CUX1: variants seen among roughly 807,000 people sequenced by gnomAD.
CUX1 encodes protein CASP.
In CUX1, 31 loss-of-function variants were observed where a neutral mutation model predicts 158.8. The observed-to-expected ratio is 0.20, with a 90% confidence interval of 0.15 to 0.26. The LOEUF (loss-of-function observed/expected upper bound fraction) is 0.26, where lower values mean the gene tolerates loss of function less well. Ranked by LOEUF, CUX1 falls within the 10% of genes least tolerant of loss-of-function variation. The pLI is 1.00. For synonymous variants in CUX1, 879 were observed against 862.1 expected (o/e 1.02, Z -0.34); for missense variants, 1,589 against 2,014.6 (o/e 0.79, Z 4.04).
intron 2 of CUX1, among the ~76,000 whole-genome samples, chr7:101,918,775 A>AT (rs1441726800): frequency 1.3e-5 from 2 of 151,512 alleles, no homozygotes; most frequent in African/African-American, 2.4e-5. Context: ...CTTTTTTTTT[A>AT]TTTTTTGAGA....
chr7:101,830,811 A>G (rs943984452), intron 1 of CUX1, among the ~76,000 whole-genome samples: 3 of 152,166 alleles, frequency 2.0e-5, no homozygotes, highest in African/African-American at 7.2e-5. Flanking sequence ...TTGTTTTGTT[A>G]AAAATTTATA....
Position 102,251,940 on chromosome 7 carries a change from C to T in CUX1, c.*2898C>T. 1.2e-5 allele frequency: 12 copies of T among 985,346 alleles called. No individual in the cohort carries two copies. The highest frequency in any genetic ancestry group is 1.3e-5 in the Non-Finnish European group (11 of 829,924). The allele number at this position is 985,346 out of a possible 1,614,324, so 61.0% of individuals were successfully genotyped here. On this transcript the variant is annotated 3_prime_UTR_variant, in exon 24 of 24. Transcript: ENST00000292535. ...AGTCTAAAATGCAGTCATTTTGACC[C>T]TCCCAAGCAATTTAGTCATATGTGT...
intron 18 of CUX1, among the ~76,000 whole-genome samples, chr7:102,278,506 C>T (rs535419068): frequency 2.0e-5 from 3 of 151,958 alleles, no homozygotes; most frequent in Non-Finnish European, 2.9e-5. Context: ...GCAGGAGAAT[C>T]GCTGGAACCC....
intron 10 of CUX1, among the ~76,000 whole-genome samples, chr7:102,175,273 C>A (rs1356791937): frequency 2.0e-5 from 3 of 152,222 alleles, no homozygotes; most frequent in Admixed American, 2.0e-4. Context: ...CAGATACATT[C>A]ACTTTGACTT....
At position 102,248,699 on chromosome 7, in the gene CUX1, A is replaced by G; in HGVS notation, c.4175A>G (p.Glu1392Gly). The change falls in exon 24 of 24, where the codon GAG becomes GGG. Residue 1392 changes from glutamate (E) to glycine (G), a missense_variant. Physicochemically the swap from Glu to Gly is moderately conservative, Grantham distance 98. This residue lies in a region of CUX1 where 344 missense variants were observed against 323.7 expected (regional missense o/e 1.06). Transcript: ENST00000292535. The surrounding 1 kb of genome is among the most constrained non-coding windows in gnomAD (Gnocchi z 5.8). ...GACGACGCCCGCGACGACGACCACG[A>G]GGGAGGCCCCGTGGAAGGCCCGGGG... ...GPDDARDDDH[E>G]GGPVEGPGPL... The G allele has an allele frequency of 8.0e-7, 1 of 1,248,652 alleles. No individual in the cohort carries two copies. The allele number at this position is 1,248,652 out of a possible 1,614,324, so 77.3% of individuals were successfully genotyped here. A position where few individuals can be genotyped will look rare whatever the true frequency, so the allele number is the denominator to read the frequency against.
intron 6 of CUX1, among the ~76,000 whole-genome samples, chr7:102,111,488 A>G (rs1830874810): frequency 1.3e-5 from 2 of 152,150 alleles, no homozygotes; most frequent in African/African-American, 4.8e-5. Flanking sequence ...CGGGTTGCAC[A>G]CTTGCCGTGA....
chr7:101,957,928 T>C (rs891594818), intron 2 of CUX1, among the ~76,000 whole-genome samples: 14 of 152,116 alleles, frequency 9.2e-5, no homozygotes, highest in African/African-American at 3.4e-4. Context: ...CCAGCTGCCG[T>C]TTACTCACTG....
intron 1 of CUX1, among the ~76,000 whole-genome samples, chr7:101,872,301 T>C (rs1798652633): frequency 6.6e-6 from 1 of 151,872 alleles, no homozygotes; most frequent in Non-Finnish European, 1.5e-5. Flanking sequence ...GCCCGGCTAA[T>C]TTTTGTATTT....
At chr7:102,204,981 G>A (rs1006656843) in intron 19 of CUX1, 133 bp from the exon 20 acceptor site, 17 of 660,296 alleles carry the variant, frequency 2.6e-5, no homozygotes, top group African/African-American at 3.6e-5. Context: ...GCGCCTCCCC[G>A]GCCCGTGGGT....
intron 4 of CUX1, among the ~76,000 whole-genome samples, chr7:102,072,258 T>TC (rs1367111727): frequency 1.3e-5 from 2 of 152,352 alleles, no homozygotes; most frequent in African/African-American, 4.8e-5. Context: ...CCTTGAGGTT[T>TC]CCCATTGGCA....
At chr7:102,245,651 C>T (rs574589642) in intron 23 of CUX1, among the ~76,000 whole-genome samples, 3 of 152,184 alleles carry the variant, frequency 2.0e-5, no homozygotes, top group East Asian at 1.9e-4. Context: ...ATACCATTCT[C>T]CACATTTTTC....
At chr7:101,855,521 C>T (rs1039828693) in intron 1 of CUX1, among the ~76,000 whole-genome samples, 4 of 152,216 alleles carry the variant, frequency 2.6e-5, no homozygotes, top group East Asian at 1.9e-4. Context: ...TATATTTTCA[C>T]GTATTTTAGA....
At chr7:102,183,120 C>T (rs1163088987) in intron 11 of CUX1, among the ~76,000 whole-genome samples, 1 of 152,008 alleles carries the variant, frequency 6.6e-6, no homozygotes, top group African/African-American at 2.4e-5. Flanking sequence ...GTCCCTCTGG[C>T]CTTGGGTGTC....
At chr7:102,039,938 T>G (rs1821878998) in intron 3 of CUX1, among the ~76,000 whole-genome samples, 1 of 152,072 alleles carries the variant, frequency 6.6e-6, no homozygotes, top group Non-Finnish European at 1.5e-5. Context: ...AAACTTCCCT[T>G]TGTGCTGAAT....
At chr7:102,272,397 C>T (rs1791282437) in intron 14 of CUX1, among the ~76,000 whole-genome samples, 1 of 152,252 alleles carries the variant, frequency 6.6e-6, no homozygotes, top group Non-Finnish European at 1.5e-5. Flanking sequence ...TCTGAGGCCA[C>T]AGTGCCCCCT....
At chr7:102,268,086 AGGGGACCGTCTT>A (rs1790939408) in intron 14 of CUX1, among the ~76,000 whole-genome samples, 1 of 152,044 alleles carries the variant, frequency 6.6e-6, no homozygotes. Context: ...CCTGAGGGGA[AGGGGACCGTCTT>A]GGGCCCTTGC....
rs773356474 is a variant in CUX1 at position 101,927,571 on chromosome 7, G to C, written c.141+11346G>C. ...AGGCTGAGGTAGGAGGATCCCTTGAGCCCAGGAGTTCAAGACTGCAGTGAG... is the reference window on the plus strand; with the variant it reads ...AGGCTGAGGTAGGAGGATCCCTTGACCCCAGGAGTTCAAGACTGCAGTGAG... On this transcript the variant is annotated intron_variant, in intron 2 of 23. Coordinates refer to ENST00000292535, the MANE Select transcript of CUX1 (RefSeq NM_181552.4). Among the ~76,000 whole-genome samples the C allele has an allele frequency of 6.4e-4, 97 of 152,084 alleles. 3 individuals carry two copies. Among genetic ancestry groups the C allele is most frequent in the Non-Finnish European group, 2.1e-4 (14 of 68,006 alleles).
intron 5 of CUX1, among the ~76,000 whole-genome samples, chr7:102,099,731 T>A (rs1554485731): frequency 1.3e-5 from 2 of 152,096 alleles, no homozygotes; most frequent in Non-Finnish European, 2.9e-5. Flanking sequence ...GCCCAGCCTC[T>A]TTCTGGCTTA....
At chr7:101,829,212 C>T (rs931964988) in intron 1 of CUX1, among the ~76,000 whole-genome samples, 1 of 152,024 alleles carries the variant, frequency 6.6e-6, no homozygotes, top group Non-Finnish European at 1.5e-5. Context: ...GGAGTGAGGA[C>T]GGCTTGATGT....
Sources: allele counts gnomAD v4.1 joint callset (sites outside exome capture counted in the v4.1 genomes callset), GRCh38; gene constraint gnomAD v4.1.1; regional missense constraint gnomAD v4.1.1; non-coding constraint Gnocchi (gnomAD v3.1); transcripts MANE v1.5; gene names NCBI Gene and HGNC (gene_info 2026-07-23, HGNC 2026-07-21).